Variants in SORBS2 observed in about 807,000 individuals in gnomAD.
SORBS2 encodes sorbin and SH3 domain-containing protein 2.
A neutral mutation model predicts 97.7 loss-of-function variants in SORBS2; 46 were observed. That is an observed-to-expected ratio of 0.47 (90% confidence interval 0.37 to 0.60). The LOEUF (loss-of-function observed/expected upper bound fraction) is 0.60, where lower values mean the gene tolerates loss of function less well. Among genes scored for constraint, SORBS2 ranks in the 20% least tolerant of loss-of-function variants. The probability of loss-of-function intolerance (pLI) is 0.00; values close to 1 mark genes in which losing one functional copy is unlikely to be tolerated. For missense variants in SORBS2, 1,316 were observed against 1,282.3 expected (o/e 1.03, Z -0.40); for synonymous variants, 476 against 473.4 (o/e 1.01, Z -0.07).
chr4:185,731,170 A>G (rs1367535797), intron 2 of SORBS2, among the ~76,000 whole-genome samples: 1 of 152,200 alleles, frequency 6.6e-6, no homozygotes, highest in East Asian at 1.9e-4. Flanking sequence ...CTACAGTCTC[A>G]TCTTGACAGA....
intron 1 of SORBS2, among the ~76,000 whole-genome samples, chr4:185,862,274 G>T (rs2099224267): frequency 6.6e-6 from 1 of 152,248 alleles, no homozygotes. Flanking sequence ...GCTTCAAACT[G>T]CACACAGGCA....
chr4:185,684,949 G>T lies in SORBS2; in HGVS notation c.-197-6127C>A. The T allele has an allele frequency of 1.2e-6, 1 of 840,868 alleles. No homozygotes were observed. The highest frequency in any genetic ancestry group is 1.6e-5 in the South Asian group (1 of 61,726). The allele number at this position is 840,868 out of a possible 1,614,324, so 52.1% of individuals were successfully genotyped here. ...TGTGCCAGACATCCATGAGAAAGATGAACAGTTAGAATTAGTAATCATGGA... is the reference window on the plus strand; with the variant it reads ...TGTGCCAGACATCCATGAGAAAGATTAACAGTTAGAATTAGTAATCATGGA... On this transcript the variant is annotated intron_variant, in intron 2 of 20. Coordinates refer to the SORBS2 transcript ENST00000284776. The surrounding 1 kb of genome is among the most constrained non-coding windows in gnomAD (Gnocchi z 4.2).
At chr4:185,657,305 T>G, upstream of SORBS2, 1 of 871,074 alleles carries the variant, frequency 1.1e-6, no homozygotes, top group Middle Eastern at 3.3e-4. Context: ...AGAAGTCGGA[T>G]GGCACGGAGG....
chr4:185,615,559 G>GC (rs976630842), intron 9 of SORBS2, among the ~76,000 whole-genome samples: 2 of 150,890 alleles, frequency 1.3e-5, no homozygotes, highest in African/African-American at 2.4e-5. Context: ...TTAGTTACTA[G>GC]CCCCCCAGCC....
intron 4 of SORBS2, chr4:185,666,037 G>A: frequency 7.8e-7 from 1 of 1,289,686 alleles, no homozygotes; most frequent in Non-Finnish European, 1.0e-6. Flanking sequence ...ACCATCGGGG[G>A]GCGGAAGGCT....
chr4:185,869,194 T>C (rs2099228997), intron 1 of SORBS2, among the ~76,000 whole-genome samples: 1 of 152,176 alleles, frequency 6.6e-6, no homozygotes, highest in South Asian at 2.1e-4. Flanking sequence ...AGAGAAAATA[T>C]TTTCTTAATC....
intron 1 of SORBS2, among the ~76,000 whole-genome samples, chr4:185,788,930 G>T (rs892057792): frequency 1.6e-4 from 25 of 152,154 alleles, no homozygotes; most frequent in African/African-American, 5.5e-4. Context: ...CTCCAAATTG[G>T]ACTTCTGTAC....
chr4:185,886,595 G>GAAAA (rs2099239776), intron 1 of SORBS2, among the ~76,000 whole-genome samples: 1 of 139,604 alleles, frequency 7.2e-6, no homozygotes, highest in African/African-American at 2.7e-5. Context: ...AAAAAGAAAA[G>GAAAA]AAAACAACGT....
exon 3 of SORBS2, chr4:185,649,636 T>C: frequency 2.0e-6 from 3 of 1,530,598 alleles, no homozygotes; most frequent in Non-Finnish European, 2.6e-6. Flanking sequence ...GACTGAGCAC[T>C]GTAGGGTGGG....
chr4:185,791,238 AATATGGGCAATACATTTATGAAT>A (rs140790543), intron 1 of SORBS2, among the ~76,000 whole-genome samples: 2,026 of 152,290 alleles, frequency 0.013, 60 homozygotes, highest in African/African-American at 0.047. Flanking sequence ...ATAAGAACAA[AATATGGGCAATACATTTATGAAT>A]ACATTAAATG....
rs142796030 is a variant in SORBS2, at chr4:185,874,601, C to T, written c.-338+81595G>A. 1.6e-3 allele frequency among the ~76,000 whole-genome samples: 237 copies of T among 152,276 alleles called. 2 individuals are homozygous for T. The highest frequency in any genetic ancestry group is 5.5e-3 in the African/African-American group (227 of 41,554). On this transcript the variant is annotated intron_variant, in intron 1 of 20. Transcript: ENST00000284776. ...CTAAGAAGCAGCTTTAGGGCCAAGG[C>T]GTTTTCTAATGCCATTTCCCACACA...
chr4:185,734,378 T>C (rs28571129), intron 2 of SORBS2, among the ~76,000 whole-genome samples: 5,123 of 152,256 alleles, frequency 0.034, 264 homozygotes, highest in African/African-American at 0.11. Context: ...TAGTCACCAT[T>C]AGCTAATTAT....
chr4:185,841,454 CT>C (rs1447249311), intron 1 of SORBS2, among the ~76,000 whole-genome samples: 1 of 152,124 alleles, frequency 6.6e-6, no homozygotes, highest in African/African-American at 2.4e-5. Flanking sequence ...CCTTTCTTCC[CT>C]TCTATACTCT....
At chr4:185,587,994 C>T (rs1160031593) in intron 14 of SORBS2, 1 of 277,386 alleles carries the variant, frequency 3.6e-6, no homozygotes, top group Non-Finnish European at 6.9e-6. Flanking sequence ...CGGAGGAGCT[C>T]AGTCACTGAG....
chr4:185,627,211 C>A (rs2096829648), intron 5 of SORBS2, among the ~76,000 whole-genome samples, 192 bp from the exon 18 acceptor site: 1 of 152,094 alleles, frequency 6.6e-6, no homozygotes, highest in Non-Finnish European at 1.5e-5. Context: ...AATGAATAGA[C>A]CTTATTATTT....
At chr4:185,765,067 G>A (rs73873370) in intron 2 of SORBS2, among the ~76,000 whole-genome samples, 2,947 of 152,096 alleles carry the variant, frequency 0.019, 96 homozygotes, top group African/African-American at 0.068. Flanking sequence ...GATTCAGACT[G>A]ATCTACAGTC....
chr4:185,718,951 T>C (rs1335783200), intron 2 of SORBS2, among the ~76,000 whole-genome samples: 3 of 152,218 alleles, frequency 2.0e-5, no homozygotes, highest in Non-Finnish European at 4.4e-5. Flanking sequence ...AACTCAGAGT[T>C]ATAAATTAGA....
intron 2 of SORBS2, among the ~76,000 whole-genome samples, chr4:185,767,681 C>T (rs1398564733): frequency 1.3e-5 from 2 of 152,062 alleles, no homozygotes; most frequent in Non-Finnish European, 2.9e-5. Flanking sequence ...GTACTGACTG[C>T]CCCGAGGCCT....
At chr4:185,656,233 C>T (rs959804763) in intron 1 of SORBS2, among the ~76,000 whole-genome samples, 1 of 152,186 alleles carries the variant, frequency 6.6e-6, no homozygotes, top group African/African-American at 2.4e-5. Flanking sequence ...TTTCCTCAAT[C>T]TAAAGAGTCT....
Sources: allele counts gnomAD v4.1 joint callset (sites outside exome capture counted in the v4.1 genomes callset), GRCh38; gene constraint gnomAD v4.1.1; non-coding constraint Gnocchi (gnomAD v3.1); transcripts MANE v1.5; gene names NCBI Gene and HGNC (gene_info 2026-07-23, HGNC 2026-07-21).